The following TBC1D22A variants were observed in gnomAD, a reference collection of about 807,000 sequenced individuals.
The protein encoded by TBC1D22A is putative GTPase activator.
In TBC1D22A, 38 loss-of-function variants were observed where a neutral mutation model predicts 60.2. That is an observed-to-expected ratio of 0.63 (90% CI 0.49 to 0.83). TBC1D22A has a LOEUF of 0.83. Among genes scored for constraint, TBC1D22A ranks in the 40% least tolerant of loss-of-function variants. TBC1D22A has a pLI of 0.00. For missense variants in TBC1D22A, 628 were observed against 701.0 expected (o/e 0.90, Z 1.18); for synonymous variants, 302 against 281.7 (o/e 1.07, Z -0.72).
In TBC1D22A at chr22:46,921,612, G is replaced by A. The variant is rs142842023; in HGVS notation, c.1015+9424G>A. 1.3e-3 allele frequency among the ~76,000 whole-genome samples: 199 copies of A among 152,304 alleles called. 1 individual carries two copies. Among genetic ancestry groups the A allele is most frequent in the African/African-American group, 4.6e-3 (190 of 41,578 alleles). Reference sequence around the variant, plus strand: ...TTCCTTTGGGTGTATACCCAATAATGGGATTGCTGGGTTGAACAGTAGTTC... The same window carrying A: ...TTCCTTTGGGTGTATACCCAATAATAGGATTGCTGGGTTGAACAGTAGTTC... On this transcript the variant is annotated intron_variant, in intron 8 of 12. Coordinates refer to ENST00000337137, the MANE Select transcript of TBC1D22A (RefSeq NM_014346.5).
At chr22:47,092,122 C>T (rs2147623543) in intron 11 of TBC1D22A, among the ~76,000 whole-genome samples, 1 of 152,228 alleles carries the variant, frequency 6.6e-6, no homozygotes, top group South Asian at 2.1e-4. Flanking sequence ...CTGCTCTTTC[C>T]ACAAGAACAG....
In TBC1D22A at chr22:47,091,460, C is replaced by G. The variant is rs1259414807; in HGVS notation, c.1330-20048C>G. ...GGCTGCGTGTTGATAGAGACAGGCA[C>G]GAGAAGTCGTCTTTGCTGGGGAGTG... On this transcript the variant is annotated intron_variant, in intron 11 of 12. Transcript: ENST00000337137. Among the ~76,000 whole-genome samples, 759 of 135,288 alleles carry G rather than the reference C, an allele frequency of 5.6e-3. 5 individuals carry two copies. The highest frequency in any genetic ancestry group is 0.02 in the African/African-American group (710 of 35,630). The allele number at this position is 135,288 out of a possible 152,430, so 88.8% of individuals were successfully genotyped here. A position where few individuals can be genotyped will look rare whatever the true frequency, so the allele number is the denominator to read the frequency against.
At chr22:46,913,460 C>T (rs767231885) in intron 8 of TBC1D22A, 1 of 1,348,342 alleles carries the variant, frequency 7.4e-7, no homozygotes, top group Admixed American at 2.0e-5. Flanking sequence ...GTGAATTTTA[C>T]TGCAGCCCTC....
chr22:47,000,860 T>C (rs1463886967), intron 10 of TBC1D22A, among the ~76,000 whole-genome samples: 1 of 149,736 alleles, frequency 6.7e-6, no homozygotes, highest in Non-Finnish European at 1.5e-5. Context: ...GAAAGAAAAA[T>C]AAATGTCTTA....
At chr22:46,882,728 C>G (rs764909752) in intron 5 of TBC1D22A, among the ~76,000 whole-genome samples, 1 of 152,180 alleles carries the variant, frequency 6.6e-6, no homozygotes, top group Non-Finnish European at 1.5e-5. Flanking sequence ...TTAACAGTTA[C>G]GCCCAGAATT....
rs370862528 is a variant in TBC1D22A, at chr22:47,110,004, C to T, written c.1330-1504C>T. On this transcript the variant is annotated intron_variant, in intron 11 of 12. Transcript: ENST00000337137. ...GATGCTTTTGAAGCCTGCATTTTTC[C>T]CTGCTCAGAGCCCCGAGGATCTGTA... is the stretch of plus-strand genomic sequence containing the variant. 3.9e-5 allele frequency among the ~76,000 whole-genome samples: 6 copies of T among 152,216 alleles called. No homozygotes were observed. The East Asian group carries it at 9.6e-4, about 24-fold the overall frequency.
intron 7 of TBC1D22A, among the ~76,000 whole-genome samples, chr22:46,897,216 C>G (rs1032102865): frequency 7.9e-5 from 12 of 152,042 alleles, no homozygotes; most frequent in African/African-American, 2.4e-4. Flanking sequence ...CTCCACAGGT[C>G]GGGAGTGGAC....
At chr22:46,806,114 G>C (rs2085123326) in intron 4 of TBC1D22A, among the ~76,000 whole-genome samples, 1 of 152,164 alleles carries the variant, frequency 6.6e-6, no homozygotes, top group African/African-American at 2.4e-5. Context: ...GCCTCCCAAA[G>C]TGCTGGGATT....
intron 7 of TBC1D22A, among the ~76,000 whole-genome samples, chr22:46,905,067 C>T (rs1159078796): frequency 6.6e-6 from 1 of 152,258 alleles, no homozygotes; most frequent in Non-Finnish European, 1.5e-5. Context: ...AGCCACCGCG[C>T]CCGGCTGAGA....
At chr22:46,967,118 A>G (rs555639306) in intron 8 of TBC1D22A, among the ~76,000 whole-genome samples, 1 of 152,346 alleles carries the variant, frequency 6.6e-6, no homozygotes, top group Non-Finnish European at 1.5e-5. Flanking sequence ...GCCGTGGAGC[A>G]GAGTCGGGAA....
Position 46,832,601 on chromosome 22 carries a change from G to A in TBC1D22A, c.637+34981G>A, listed in dbSNP as rs544869430. Among the ~76,000 whole-genome samples, 8 of 152,294 alleles carry A rather than the reference G, an allele frequency of 5.3e-5. No homozygotes were observed. In the South Asian group the frequency reaches 1.2e-3, roughly 24 times the overall value. On this transcript the variant is annotated intron_variant, in intron 4 of 12. Coordinates refer to ENST00000337137, the MANE Select transcript of TBC1D22A (RefSeq NM_014346.5). ...GCAGAGGTTGCAGTGAGCCGAGATC[G>A]CGCCACTGCACTCCAGCCTGGGCAA...
At chr22:47,143,479 G>C (rs1223419347) in intron 12 of TBC1D22A, among the ~76,000 whole-genome samples, 1 of 152,250 alleles carries the variant, frequency 6.6e-6, no homozygotes, top group African/African-American at 2.4e-5. Context: ...AGGAATAAGT[G>C]TGAGTTTAGA....
intron 12 of TBC1D22A, among the ~76,000 whole-genome samples, chr22:47,170,097 A>C (rs1023548463): frequency 2.0e-5 from 3 of 152,222 alleles, no homozygotes; most frequent in African/African-American, 7.2e-5. Flanking sequence ...AGCCTTTTTA[A>C]AAAAGAAATC....
At chr22:46,854,037 CTCTT>C (rs2087434866) in intron 4 of TBC1D22A, among the ~76,000 whole-genome samples, 1 of 152,190 alleles carries the variant, frequency 6.6e-6, no homozygotes. Context: ...TGTGAGTGGA[CTCTT>C]TCTCCTTCAC....
At chr22:46,807,891 C>T (rs2085217056) in intron 4 of TBC1D22A, among the ~76,000 whole-genome samples, 1 of 152,074 alleles carries the variant, frequency 6.6e-6, no homozygotes, top group Admixed American at 6.6e-5. Context: ...TGCTCGAGCC[C>T]AGGAGTTGGA....
In TBC1D22A at chr22:46,941,413, T is replaced by TAC. The variant is rs1569247966; in HGVS notation, c.1015+29226_1015+29227dup. On this transcript the variant is annotated intron_variant, in intron 8 of 12. Coordinates refer to ENST00000337137, the MANE Select transcript of TBC1D22A (RefSeq NM_014346.5). Reference sequence around the variant, plus strand: ...GGAATATATATACACAGAATATATATACGGAATATACACGGAATATATATA... The same window carrying TAC: ...GGAATATATATACACAGAATATATATACACGGAATATACACGGAATATATATA... Among the ~76,000 whole-genome samples the TAC allele has an allele frequency of 2.0e-4, 16 of 79,496 alleles. 1 individual carries two copies. Among genetic ancestry groups the TAC allele is most frequent in the African/African-American group, 9.8e-4 (15 of 15,354 alleles). The allele number at this position is 79,496 out of a possible 152,430, so 52.2% of individuals were successfully genotyped here.
At chr22:47,149,743 T>C (rs2067430552) in intron 12 of TBC1D22A, among the ~76,000 whole-genome samples, 1 of 152,208 alleles carries the variant, frequency 6.6e-6, no homozygotes, top group Non-Finnish European at 1.5e-5. Flanking sequence ...TGGCTGAGGC[T>C]CTTGGGTTTT....
At chr22:46,878,108 T>C (rs115469250) in intron 4 of TBC1D22A, among the ~76,000 whole-genome samples, 1,727 of 152,136 alleles carry the variant, frequency 0.011, 29 homozygotes, top group African/African-American at 0.04. Flanking sequence ...TATGGCCACA[T>C]CCTTAATTAA....
At chr22:47,097,199 C>T (rs1163075088) in intron 11 of TBC1D22A, among the ~76,000 whole-genome samples, 1 of 152,210 alleles carries the variant, frequency 6.6e-6, no homozygotes, top group African/African-American at 2.4e-5. Context: ...CAGTCTTCAC[C>T]TTGTCGTTTT....
Sources: gnomAD v4.1 joint callset for allele counts (sites outside exome capture counted in the v4.1 genomes callset) on GRCh38, gnomAD v4.1.1 for gene constraint, MANE v1.5 for transcripts, NCBI Gene and HGNC (gene_info 2026-07-23, HGNC 2026-07-21) for gene names.